Variants in CASKIN1 observed in about 807,000 individuals in gnomAD.
CASKIN1 encodes the protein CASK interacting protein 1.
CASKIN1 carries 42 observed loss-of-function variants against 117.5 expected under a neutral mutation model. The observed-to-expected ratio is 0.36, with a 90% CI of 0.28 to 0.46. CASKIN1 has a LOEUF of 0.46. Among genes scored for constraint, CASKIN1 ranks in the 20% least tolerant of loss-of-function variants. The probability of loss-of-function intolerance (pLI) is 1.00; values close to 1 mark genes in which losing one functional copy is unlikely to be tolerated. For missense variants in CASKIN1, 2,083 were observed against 2,077.3 expected (o/e 1.00, Z -0.05); for synonymous variants, 1,148 against 961.7 (o/e 1.19, Z -3.59).
At chr16:2,184,899 C>T in intron 13 of CASKIN1, 31 bp from the exon 14 acceptor site, 1 of 1,578,626 alleles carries the variant, frequency 6.3e-7, no homozygotes, top group Non-Finnish European at 8.6e-7. Flanking sequence ...GGGACAAGGG[C>T]TGTCGGGCTG....
rs201599923 is a variant in CASKIN1 at position 2,181,251 on chromosome 16, G to A, written c.2117C>T (p.Ser706Leu). 853 of 1,598,728 alleles carry A rather than the reference G, an allele frequency of 5.3e-4. 6 individuals carry two copies. The highest frequency in any genetic ancestry group is 1.2e-3 in the Middle Eastern group (7 of 5,972). ...LGGRARHMSS[S>L]QELLGDGPPG... is the part of the protein sequence containing the mutation. ...GGGCCCATCTCCCAGCAGCTCCTGC[G>A]AGCTGCTCATGTGCCGTGCCCGACC... Residue 706 changes from serine (S) to leucine (L), a missense_variant, in exon 18 of 20, where the codon TCG becomes TTG. This residue lies in a region of CASKIN1 where 1,818 missense variants were observed against 1,688.9 expected (regional missense o/e 1.08). Coordinates refer to ENST00000343516, the MANE Select transcript of CASKIN1 (RefSeq NM_020764.4).
rs201309601 is a variant in CASKIN1 at position 2,184,946 on chromosome 16, C to G, written c.1324+5G>C. On this transcript the variant is annotated splice_donor_5th_base_variant and intron_variant, in intron 13 of 19. Transcript: ENST00000343516. ...CGGGCTGCGTGGCAGCACCCTTGCT[C>G]TTACCTGCAGAGCCTTCCGGAGGCT... 6.9e-5 allele frequency: 110 copies of G among 1,598,098 alleles called. No homozygotes were observed. Among genetic ancestry groups the G allele is most frequent in the Admixed American group, 3.9e-4 (23 of 58,956 alleles).
rs200820530 is a variant in CASKIN1, at chr16:2,180,979, G to C, written c.2389C>G (p.Pro797Ala). ...TTCACCTTGGCCGTAGCTGGGGCTG[G>C]ACCATGAGGTCCCCCAAGGGCCTGG... is the stretch of plus-strand genomic sequence containing the variant. ...SPQALGGPHGPAPATAKVKPT... is the reference protein window; with the variant it reads ...SPQALGGPHGAAPATAKVKPT... The change falls in exon 18 of 20, where the codon CCA (proline) becomes GCA (alanine). Residue 797 changes from proline (P) to alanine (A), a missense_variant. Pro to Ala is a conservative substitution (Grantham distance 27, BLOSUM62 -1). This residue lies in a region of CASKIN1 where 1,818 missense variants were observed against 1,688.9 expected (regional missense o/e 1.08). Coordinates refer to ENST00000343516, the MANE Select transcript of CASKIN1 (RefSeq NM_020764.4). 216 of 1,474,838 alleles carry C rather than the reference G, an allele frequency of 1.5e-4. No homozygotes were observed. In the African/African-American group the frequency reaches 3.0e-3, roughly 20 times the overall value. 91.4% of individuals were successfully genotyped at this position (1,474,838 alleles called of 1,614,324 possible). A position where few individuals can be genotyped will look rare whatever the true frequency, so the allele number is the denominator to read the frequency against.
chr16:2,184,936 C>T lies in CASKIN1; in HGVS notation c.1324+15G>A. Reference sequence around the variant, plus strand: ...TTTCCTCCATCGGGCTGCGTGGCAGCACCCTTGCTCTTACCTGCAGAGCCT... The same window carrying T: ...TTTCCTCCATCGGGCTGCGTGGCAGTACCCTTGCTCTTACCTGCAGAGCCT... On this transcript the variant is annotated intron_variant, in intron 13 of 19. Coordinates refer to ENST00000343516, the MANE Select transcript of CASKIN1 (RefSeq NM_020764.4). 1 of 1,586,168 alleles carries T rather than the reference C, an allele frequency of 6.3e-7. No individual in the cohort carries two copies. The highest frequency in any genetic ancestry group is 8.6e-7 in the Non-Finnish European group (1 of 1,161,660).
chr16:2,190,495 CCACTCGTG>C (rs2141326356), intron 1 of CASKIN1, 137 bp from the exon 2 acceptor site: 1 of 771,992 alleles, frequency 1.3e-6, no homozygotes, highest in Non-Finnish European at 2.2e-6. Context: ...ACTCACTCGT[CCACTCGTG>C]CACTCACGCG....
intron 6 of CASKIN1, 157 bp downstream of exon 6, chr16:2,188,870 C>T: frequency 9.5e-7 from 1 of 1,052,470 alleles, no homozygotes; most frequent in Non-Finnish European, 1.4e-6. Flanking sequence ...TCATCCTGTA[C>T]ATGGGCCCTG....
chr16:2,179,109 G>C lies in CASKIN1; in HGVS notation c.3992C>G (p.Pro1331Arg). Residue 1331 changes from proline to arginine, a missense_variant, in exon 19 of 20, where the codon CCC (proline) becomes CGC (arginine). Around this residue, in one of 3 missense-constraint regions of CASKIN1, gnomAD observed 1,818 missense variants for 1,688.9 expected, o/e 1.08. Coordinates refer to ENST00000343516, the MANE Select transcript of CASKIN1 (RefSeq NM_020764.4). This position sits in a 1 kb window ranked among gnomAD's most constrained non-coding sequence, Gnocchi z 5.8. ...LGASPAKPPS[P>R]GAPALHVPAK... ...GGGCACGTGCAGCGCGGGCGCGCCG[G>C]GGGACGGGGGCTTGGCGGGGCTGGC... 1.1e-5 allele frequency: 11 copies of C among 997,702 alleles called. No homozygotes were observed. Among genetic ancestry groups the C allele is most frequent in the Non-Finnish European group, 1.3e-5 (11 of 839,958 alleles). The allele number at this position is 997,702 out of a possible 1,614,324, so 61.8% of individuals were successfully genotyped here.
At chr16:2,178,736 G>A in intron 19 of CASKIN1, 90 bp from the exon 20 acceptor site, 2 of 1,355,844 alleles carry the variant, frequency 1.5e-6, no homozygotes, top group Non-Finnish European at 1.9e-6. Context: ...CCGCATCTCC[G>A]TCGGCTTCCG....
In CASKIN1 at chr16:2,181,857, C is replaced by T. The variant is rs966883255; in HGVS notation, c.1702G>A (p.Glu568Lys). The T allele has an allele frequency of 5.6e-6, 9 of 1,613,788 alleles. No homozygotes were observed. Among genetic ancestry groups the T allele is most frequent in the Middle Eastern group, 1.6e-4 (1 of 6,062 alleles). The change falls in exon 17 of 20, where the codon GAG (glutamate) becomes AAG (lysine). Residue 568 changes from glutamate to lysine, a missense_variant. Coordinates refer to ENST00000343516, the MANE Select transcript of CASKIN1 (RefSeq NM_020764.4). ...YYKVLVDNGY[E>K]NIDFITDITW... ...ATGTCGGTGATGAAATCAATGTTCT[C>T]GTAGCCATTGTCCACCAACACCTTG...
At position 2,181,472 on chromosome 16, in the gene CASKIN1, C is replaced by T; in HGVS notation, c.1896G>A (p.Glu632=). 6.2e-7 allele frequency: 1 copy of T among 1,611,858 alleles called. No homozygotes were observed. The highest frequency in any genetic ancestry group is 8.5e-7 in the Non-Finnish European group (1 of 1,179,784). ...APQSLEVMAI[E]SPPPPEPTPA... ...GTGTGGGCTCAGGCGGGGGCGGCGA[C>T]TCGATGGCCATCACTTCAAGAGACT... is the stretch of plus-strand genomic sequence containing the variant. The change falls in exon 18 of 20, where the codon GAG becomes GAA. Residue 632 remains glutamate (E), a synonymous_variant. Transcript: ENST00000343516.
Position 2,179,877 on chromosome 16 carries a change from G to A in CASKIN1, c.3491C>T (p.Pro1164Leu). 6.2e-7 allele frequency: 1 copy of A among 1,605,780 alleles called. No homozygotes were observed. Residue 1164 changes from proline (P) to leucine (L), a missense_variant, in exon 18 of 20, where the codon CCA becomes CTA. By Grantham distance (98) the Pro-to-Leu change is moderately conservative. Coordinates refer to ENST00000343516, the MANE Select transcript of CASKIN1 (RefSeq NM_020764.4). This position sits in a 1 kb window ranked among gnomAD's most constrained non-coding sequence, Gnocchi z 5.8. ...AKEREAGPEPPPPLSVYHNGT... is the reference protein window; with the variant it reads ...AKEREAGPEPLPPLSVYHNGT... ...ATTATGGTACACGGACAGTGGCGGT[G>A]GTGGCTCAGGCCCGGCCTCCCGCTC...
chr16:2,183,475 G>A (rs995682827), intron 16 of CASKIN1, among the ~76,000 whole-genome samples, 171 bp downstream of exon 16: 5 of 152,214 alleles, frequency 3.3e-5, no homozygotes, highest in African/African-American at 1.2e-4. Flanking sequence ...CCCTGCCCCA[G>A]TGACAAAACA....
intron 9 of CASKIN1, 40 bp downstream of exon 9, chr16:2,186,938 G>GC (rs1388903404): frequency 1.2e-6 from 2 of 1,605,980 alleles, no homozygotes; most frequent in African/African-American, 1.3e-5. Context: ...CCCAGGTGCC[G>GC]CCCCCTCCCT....
rs1292095215 is a variant in CASKIN1 at position 2,182,939 on chromosome 16, C to T, written c.1629+707G>A. ...CCAAGTAGCTGGGACTATAGGCACC[C>T]GCCACCACGCCTGGCCAATTTTTGG... On this transcript the variant is annotated intron_variant, in intron 16 of 19. Coordinates refer to ENST00000343516, the MANE Select transcript of CASKIN1 (RefSeq NM_020764.4). The surrounding 1 kb of genome is among the most constrained non-coding windows in gnomAD (Gnocchi z 4.1). 3.3e-5 allele frequency among the ~76,000 whole-genome samples: 5 copies of T among 152,326 alleles called. No individual in the cohort carries two copies. Among genetic ancestry groups the T allele is most frequent in the African/African-American group, 1.2e-4 (5 of 41,566 alleles).
At position 2,178,211 on chromosome 16, in the gene CASKIN1, G is replaced by A. The variant is rs955494796; in HGVS notation, c.*339C>T. ...GCTGCGCCCGAGCGGCTGGCCGGGC[G>A]TCCCGATGGGCAGTTCTGTGCTGGG... On this transcript the variant is annotated 3_prime_UTR_variant, in exon 20 of 20. Transcript: ENST00000343516. 5 of 434,494 alleles carry A rather than the reference G, an allele frequency of 1.2e-5. No individual in the cohort carries two copies. Among genetic ancestry groups the A allele is most frequent in the South Asian group, 3.9e-5 (2 of 51,250 alleles). 26.9% of individuals were successfully genotyped at this position (434,494 alleles called of 1,614,324 possible).
chr16:2,186,026 G>A (rs1313982768), intron 10 of CASKIN1, among the ~76,000 whole-genome samples: 1 of 152,090 alleles, frequency 6.6e-6, no homozygotes, highest in Non-Finnish European at 1.5e-5. Flanking sequence ...CTGTCACTCA[G>A]GCTGGTGCAA....
chr16:2,196,233 C>T lies in CASKIN1; in HGVS notation c.94+106G>A. On this transcript the variant is annotated intron_variant, in intron 1 of 19. Coordinates refer to ENST00000343516, the MANE Select transcript of CASKIN1 (RefSeq NM_020764.4). This position sits in a 1 kb window ranked among gnomAD's most constrained non-coding sequence, Gnocchi z 5.7. Reference sequence around the variant, plus strand: ...GGCGCTGCTGGCCCCGCCCCGCCCCCGGGGACCCGACAACGTCCCCTCCCC... The same window carrying T: ...GGCGCTGCTGGCCCCGCCCCGCCCCTGGGGACCCGACAACGTCCCCTCCCC... The T allele has an allele frequency of 3.1e-6, 1 of 323,510 alleles. No individual in the cohort carries two copies. The highest frequency in any genetic ancestry group is 5.0e-6 in the Non-Finnish European group (1 of 198,342). 20.0% of individuals were successfully genotyped at this position (323,510 alleles called of 1,614,324 possible).
intron 1 of CASKIN1, among the ~76,000 whole-genome samples, chr16:2,195,324 TGGAG>T (rs1253321273): frequency 1.3e-5 from 2 of 151,926 alleles, no homozygotes; most frequent in Non-Finnish European, 1.5e-5. Flanking sequence ...GGCATCCCCC[TGGAG>T]GAAGGGGAGG....
At position 2,180,794 on chromosome 16, in the gene CASKIN1, C is replaced by G. The variant is rs147366819; in HGVS notation, c.2574G>C (p.Thr858=). The G allele has an allele frequency of 1.4e-6, 2 of 1,403,372 alleles. No individual in the cohort carries two copies. The highest frequency in any genetic ancestry group is 6.7e-5 in the Admixed American group (2 of 29,752). The allele number at this position is 1,403,372 out of a possible 1,614,324, so 86.9% of individuals were successfully genotyped here. The change falls in exon 18 of 20, where the codon ACG becomes ACC. Residue 858 remains threonine (T), a synonymous_variant. Transcript: ENST00000343516. The part of the protein sequence containing the change: ...APGPAPPPVP[T]AVPTLCLPPE... Reference sequence around the variant, plus strand: ...GGGGCAGGCACAGTGTGGGCACAGCCGTCGGCACGGGTGGGGGCGCAGGCC... The same window carrying G: ...GGGGCAGGCACAGTGTGGGCACAGCGGTCGGCACGGGTGGGGGCGCAGGCC...
Sources: allele counts gnomAD v4.1 joint callset (sites outside exome capture counted in the v4.1 genomes callset), GRCh38; gene constraint gnomAD v4.1.1; regional missense constraint gnomAD v4.1.1; non-coding constraint Gnocchi (gnomAD v3.1); transcripts MANE v1.5; gene names NCBI Gene and HGNC (gene_info 2026-07-23, HGNC 2026-07-21).